Variants in DIXDC1 observed in about 807,000 individuals in gnomAD.
DIXDC1 encodes the protein dixin.
In DIXDC1, 64 loss-of-function variants were observed where a neutral mutation model predicts 103.1. That is an observed-to-expected ratio of 0.62 (90% CI 0.51 to 0.76). The LOEUF (loss-of-function observed/expected upper bound fraction) is 0.76. Among genes scored for constraint, DIXDC1 ranks in the 30% least tolerant of loss-of-function variants. DIXDC1 has a pLI of 0.00. For missense variants in DIXDC1, 759 were observed against 834.2 expected, an observed-to-expected ratio of 0.91 and a Z score of 1.11; for synonymous variants, 266 against 298.5, an observed-to-expected ratio of 0.89 and a Z score of 1.12.
chr11:111,939,707 C>T (rs1356936060), intron 1 of DIXDC1, among the ~76,000 whole-genome samples: 3 of 152,168 alleles, frequency 2.0e-5, no homozygotes, highest in African/African-American at 7.2e-5. Context: ...ATTCATTTTA[C>T]ATACAATATT....
chr11:111,947,503 A>C (rs1330029319), intron 1 of DIXDC1, among the ~76,000 whole-genome samples: 34 of 152,328 alleles, frequency 2.2e-4, no homozygotes, highest in African/African-American at 7.5e-4. Flanking sequence ...ACAAGTGTCT[A>C]CTTTGTCCTT....
chr11:111,932,780 A>G (rs1351749630), upstream of DIXDC1, among the ~76,000 whole-genome samples: 1 of 152,078 alleles, frequency 6.6e-6, no homozygotes, highest in Non-Finnish European at 1.5e-5. Context: ...CTCACATACT[A>G]GTCATCGGAT....
chr11:111,998,481 G>A lies in DIXDC1; in HGVS notation c.1756+2335G>A, dbSNP rs587721838. ...CTGGCTTTAACTACACTTGTGTGCC[G>A]ATAATTTTTATGTTTTATCTCAAAT... is the stretch of plus-strand genomic sequence containing the variant. On this transcript the variant is annotated intron_variant, in intron 17 of 19. Coordinates refer to ENST00000440460, the MANE Select transcript of DIXDC1 (RefSeq NM_001037954.4). This position sits in a 1 kb window ranked among gnomAD's most constrained non-coding sequence, Gnocchi z 4.1. Among the ~76,000 whole-genome samples the A allele has an allele frequency of 1.1e-4, 16 of 152,236 alleles. No individual in the cohort carries two copies. Among genetic ancestry groups the A allele is most frequent in the African/African-American group, 3.6e-4 (15 of 41,552 alleles).
At chr11:112,007,893 G>C (rs1861287627) in intron 17 of DIXDC1, among the ~76,000 whole-genome samples, 1 of 151,906 alleles carries the variant, frequency 6.6e-6, no homozygotes, top group Admixed American at 6.6e-5. Flanking sequence ...GATGAAACTT[G>C]CATCAATTAA....
At chr11:111,943,660 T>C (rs1966497610) in intron 1 of DIXDC1, among the ~76,000 whole-genome samples, 1 of 151,984 alleles carries the variant, frequency 6.6e-6, no homozygotes, top group Non-Finnish European at 1.5e-5. Context: ...CCACCACGCC[T>C]GGCTAAATTT....
chr11:111,961,428 CTG>C (rs1859574727), intron 1 of DIXDC1, among the ~76,000 whole-genome samples: 1 of 152,206 alleles, frequency 6.6e-6, no homozygotes, highest in Non-Finnish European at 1.5e-5. Context: ...TTTTGTGTCT[CTG>C]TTTTCAATGA....
upstream of DIXDC1, chr11:111,937,259 G>T (rs1966235349): frequency 7.9e-7 from 1 of 1,273,762 alleles, no homozygotes. Flanking sequence ...CCTAGTGCGC[G>T]CCCAGTTGTT....
chr11:111,965,189 A>G (rs587695098), intron 2 of DIXDC1, among the ~76,000 whole-genome samples: 287 of 152,078 alleles, frequency 1.9e-3, no homozygotes, highest in African/African-American at 6.7e-3. Context: ...ACTTCATAAA[A>G]TTTTTTTCCT....
chr11:112,017,728 C>T lies in DIXDC1; in HGVS notation c.1863-49C>T, dbSNP rs782017293. ...TGTTTAAAGTTAACATCTTATCTTT[C>T]CAGCTATTGATCAACAGTCTATTTT... On this transcript the variant is annotated intron_variant, in intron 18 of 19. Transcript: ENST00000440460. The surrounding 1 kb of genome is among the most constrained non-coding windows in gnomAD (Gnocchi z 4.0). 23 of 1,473,942 alleles carry T rather than the reference C, an allele frequency of 1.6e-5. No homozygotes were observed. Among genetic ancestry groups the T allele is most frequent in the Non-Finnish European group, 2.0e-5 (21 of 1,072,458 alleles). The allele number at this position is 1,473,942 out of a possible 1,614,324, so 91.3% of individuals were successfully genotyped here.
chr11:111,985,159 C>A, intron 7 of DIXDC1, 73 bp from the exon 8 acceptor site: 1 of 1,236,660 alleles, frequency 8.1e-7, no homozygotes, highest in Non-Finnish European at 1.2e-6. Flanking sequence ...TTGGGGTGAG[C>A]TTACCAAGTT....
intron 19 of DIXDC1, 59 bp from the exon 20 acceptor site, chr11:112,018,897 A>G (rs1861675183): frequency 6.9e-7 from 1 of 1,444,050 alleles, no homozygotes; most frequent in African/African-American, 1.4e-5. Context: ...ATTAGCAGCA[A>G]TTGTTTAGTG....
rs781789535 is a variant in DIXDC1, at chr11:111,985,278, C to T, written c.965C>T (p.Pro322Leu). The change falls in exon 8 of 20, where the codon CCC becomes CTC. Residue 322 changes from proline to leucine, a missense_variant. By Grantham distance (98) the Pro-to-Leu change is moderately conservative (BLOSUM62 -3). Around this residue, in one of 3 missense-constraint regions of DIXDC1, gnomAD observed 657 missense variants for 727.5 expected, o/e 0.90. Transcript: ENST00000440460. ...TTACCTGAAGATGAACAGGAGAGGC[C>T]CTTGGCCCTCTGTGAACCAGGTGTC... ...GSLPEDEQER[P>L]LALCEPGVNP... The T allele has an allele frequency of 1.2e-6, 2 of 1,613,674 alleles. No individual in the cohort carries two copies. Among genetic ancestry groups the T allele is most frequent in the South Asian group, 1.1e-5 (1 of 90,956 alleles).
At chr11:111,963,643 G>A (rs1859643087) in intron 1 of DIXDC1, among the ~76,000 whole-genome samples, 1 of 152,202 alleles carries the variant, frequency 6.6e-6, no homozygotes, top group Non-Finnish European at 1.5e-5. Context: ...GAGTGACATT[G>A]TTTGTGTGAT....
At chr11:111,946,066 AG>A (rs1228908435) in intron 1 of DIXDC1, among the ~76,000 whole-genome samples, 1 of 149,546 alleles carries the variant, frequency 6.7e-6, no homozygotes, top group Non-Finnish European at 1.5e-5. Flanking sequence ...CCTCCCAAGT[AG>A]CTGGGATTAT....
chr11:111,950,157 G>A (rs782302278), intron 1 of DIXDC1, among the ~76,000 whole-genome samples: 1 of 151,832 alleles, frequency 6.6e-6, no homozygotes, highest in Non-Finnish European at 1.5e-5. Flanking sequence ...AAAGATGGAA[G>A]GGATATGGTT....
At position 111,961,736 on chromosome 11, in the gene DIXDC1, C is replaced by T. The variant is rs1555171115; in HGVS notation, c.61-2813C>T. 5.3e-5 allele frequency among the ~76,000 whole-genome samples: 8 copies of T among 152,258 alleles called. No homozygotes were observed. In the South Asian group the frequency reaches 6.2e-4, roughly 12 times the overall value. On this transcript the variant is annotated intron_variant, in intron 1 of 19. Coordinates refer to ENST00000440460, the MANE Select transcript of DIXDC1 (RefSeq NM_001037954.4). Reference sequence around the variant, plus strand: ...AAATACTTGTTCTTGTTTGTCCCCCCGCAATTAACTTTTGCAGTCATCTTA... The same window carrying T: ...AAATACTTGTTCTTGTTTGTCCCCCTGCAATTAACTTTTGCAGTCATCTTA...
At chr11:111,961,013 A>T (rs1032557681) in intron 1 of DIXDC1, among the ~76,000 whole-genome samples, 1 of 152,208 alleles carries the variant, frequency 6.6e-6, no homozygotes, top group South Asian at 2.1e-4. Flanking sequence ...GCAGCCAGGT[A>T]TGGCAACAGC....
chr11:112,014,445 C>G (rs917772949), intron 17 of DIXDC1, among the ~76,000 whole-genome samples: 15 of 152,192 alleles, frequency 9.9e-5, no homozygotes, highest in African/African-American at 3.6e-4. Context: ...CATGCTTCTG[C>G]ACCTGTCCTT....
intron 7 of DIXDC1, among the ~76,000 whole-genome samples, chr11:111,984,113 C>G (rs1860412251): frequency 6.6e-6 from 1 of 152,146 alleles, no homozygotes; most frequent in Non-Finnish European, 1.5e-5. Flanking sequence ...AAAATGGGGT[C>G]ACATTTTTCA....
Sources: allele counts gnomAD v4.1 joint callset (sites outside exome capture counted in the v4.1 genomes callset), GRCh38; gene constraint gnomAD v4.1.1; regional missense constraint gnomAD v4.1.1; non-coding constraint Gnocchi (gnomAD v3.1); transcripts MANE v1.5; gene names NCBI Gene and HGNC (gene_info 2026-07-23, HGNC 2026-07-21).